Variants in LINGO2 observed in about 807,000 individuals in gnomAD.
LINGO2 encodes leucine-rich repeat and immunoglobulin-like domain-containing nogo receptor-interacting protein 2.
A neutral mutation model predicts 30.6 loss-of-function variants in LINGO2; 14 were observed. The ratio of observed to expected loss-of-function variants is 0.46; its 90% CI spans 0.30 to 0.72. The LOEUF (loss-of-function observed/expected upper bound fraction) is 0.72. Ranked by LOEUF, LINGO2 falls within the 30% of genes least tolerant of loss-of-function variation. LINGO2 has a pLI of 0.07. For missense variants in LINGO2, 729 were observed against 751.7 expected (o/e 0.97, Z 0.35); for synonymous variants, 317 against 288.5 (o/e 1.10, Z -1.00).
At chr9:29,041,298 A>G in the LINGO2 span, among the ~76,000 whole-genome samples, 2 of 152,186 alleles carry the variant, frequency 1.3e-5, no homozygotes, top group African/African-American at 4.8e-5. Flanking sequence ...ACCAAAATTC[A>G]AGGAAGGGTT....
chr9:28,346,549 T>C (rs1564138016), intron 3 of LINGO2, among the ~76,000 whole-genome samples: 2 of 152,202 alleles, frequency 1.3e-5, no homozygotes. Context: ...TTTGGGTACA[T>C]ATCCAGTAAT....
chr9:28,602,015 G>C (rs1825499625), intron 1 of LINGO2, among the ~76,000 whole-genome samples: 1 of 152,048 alleles, frequency 6.6e-6, no homozygotes, highest in Non-Finnish European at 1.5e-5. Context: ...AGATTCTAAA[G>C]TACGGATTTG....
intron 4 of LINGO2, among the ~76,000 whole-genome samples, chr9:28,085,828 G>T (rs923760059): frequency 1.3e-5 from 2 of 152,054 alleles, no homozygotes; most frequent in African/African-American, 4.8e-5. Context: ...CAAAGAAAGG[G>T]ACGCTGGTGA....
chr9:28,813,116 C>T, the LINGO2 span, among the ~76,000 whole-genome samples: 1 of 150,218 alleles, frequency 6.7e-6, no homozygotes, highest in Admixed American at 6.6e-5. Flanking sequence ...CGTAGATTGT[C>T]TAAAGAGCAC....
intron 4 of LINGO2, among the ~76,000 whole-genome samples, chr9:28,244,813 G>T (rs1019036219): frequency 2.6e-5 from 2 of 76,216 alleles, no homozygotes; most frequent in Non-Finnish European, 5.0e-5. Context: ...GTAATAGTAT[G>T]CCAACCAAAA....
chr9:28,014,477 CCTA>C (rs1363843980), intron 4 of LINGO2, among the ~76,000 whole-genome samples: 2 of 152,138 alleles, frequency 1.3e-5, no homozygotes, highest in African/African-American at 4.8e-5. Context: ...TCTTAACCAT[CCTA>C]CTATTAGCAG....
Position 28,102,002 on chromosome 9 carries a change from C to A in LINGO2, c.-86-89597G>T, listed in dbSNP as rs1239001841. ...TGGTGTGACAAATATAAGCTTCTGCCTTCCAATTTTCCATCAGCTTTGCCT... is the reference window on the plus strand; with the variant it reads ...TGGTGTGACAAATATAAGCTTCTGCATTCCAATTTTCCATCAGCTTTGCCT... On this transcript the variant is annotated intron_variant, in intron 4 of 5. Coordinates refer to ENST00000379992, the Ensembl canonical transcript of LINGO2. Among the ~76,000 whole-genome samples, 22 of 152,024 alleles carry A rather than the reference C, an allele frequency of 1.4e-4. 1 individual carries two copies. Among genetic ancestry groups the A allele is most frequent in the Admixed American group, 1.4e-3 (21 of 15,260 alleles).
chr9:29,081,129 A>G, the LINGO2 span, among the ~76,000 whole-genome samples: 1 of 152,134 alleles, frequency 6.6e-6, no homozygotes, highest in Non-Finnish European at 1.5e-5. Flanking sequence ...CACAAAAAAG[A>G]GAATTTTTGA....
chr9:28,734,539 G>A, the LINGO2 span, among the ~76,000 whole-genome samples: 7 of 152,082 alleles, frequency 4.6e-5, no homozygotes, highest in Non-Finnish European at 8.8e-5. Context: ...AGAGTGTTAC[G>A]TAAGTCACTT....
At chr9:28,836,001 C>T in the LINGO2 span, among the ~76,000 whole-genome samples, 1 of 152,138 alleles carries the variant, frequency 6.6e-6, no homozygotes, top group South Asian at 2.1e-4. Context: ...TCACATACTC[C>T]AAAAATATTT....
the LINGO2 span, among the ~76,000 whole-genome samples, chr9:29,143,118 C>G: frequency 6.6e-6 from 1 of 151,966 alleles, no homozygotes; most frequent in Admixed American, 6.6e-5. Context: ...CTGAAAACTA[C>G]AAAACATTTC....
At chr9:28,568,546 T>A (rs563097829) in intron 1 of LINGO2, among the ~76,000 whole-genome samples, 26 of 152,102 alleles carry the variant, frequency 1.7e-4, no homozygotes, top group Non-Finnish European at 2.9e-4. Flanking sequence ...AGACACTTTA[T>A]AATGAAATTG....
At chr9:28,157,474 G>A (rs1426932450) in intron 4 of LINGO2, among the ~76,000 whole-genome samples, 2 of 152,178 alleles carry the variant, frequency 1.3e-5, no homozygotes, top group African/African-American at 4.8e-5. Context: ...GATGCAAAGG[G>A]CTGCCATGAA....
intron 1 of LINGO2, among the ~76,000 whole-genome samples, chr9:28,510,286 C>T (rs1337333811): frequency 6.6e-6 from 1 of 152,066 alleles, no homozygotes; most frequent in Non-Finnish European, 1.5e-5. Flanking sequence ...TACTAATAGC[C>T]TTCTGTTGAC....
chr9:28,632,739 T>TAAA (rs1827027850), intron 1 of LINGO2, among the ~76,000 whole-genome samples: 1 of 136,422 alleles, frequency 7.3e-6, no homozygotes, highest in African/African-American at 2.8e-5. Context: ...GATCTATATA[T>TAAA]TTATATATAG....
At chr9:28,893,713 C>A in the LINGO2 span, among the ~76,000 whole-genome samples, 1 of 135,428 alleles carries the variant, frequency 7.4e-6, no homozygotes, top group Non-Finnish European at 1.6e-5. Context: ...GTCTTTTTCA[C>A]AAATAAGTTA....
the LINGO2 span, among the ~76,000 whole-genome samples, chr9:28,725,772 C>A: frequency 6.6e-6 from 1 of 150,922 alleles, no homozygotes; most frequent in Non-Finnish European, 1.5e-5. Context: ...TAAAAACACA[C>A]ATTAAAATAA....
the LINGO2 span, among the ~76,000 whole-genome samples, chr9:28,903,761 G>C: frequency 1.3e-5 from 2 of 152,060 alleles, no homozygotes; most frequent in African/African-American, 2.4e-5. Flanking sequence ...TTACAGATAT[G>C]AGCCACCATG....
chr9:28,178,228 C>A (rs1346142860), intron 4 of LINGO2, among the ~76,000 whole-genome samples: 1 of 152,106 alleles, frequency 6.6e-6, no homozygotes. Flanking sequence ...GCAGCTCCCA[C>A]AGTGTTGTGA....
Sources: gnomAD v4.1 joint callset for allele counts (sites outside exome capture counted in the v4.1 genomes callset) on GRCh38, gnomAD v4.1.1 for gene constraint, MANE v1.5 for transcripts, NCBI Gene and HGNC (gene_info 2026-07-23, HGNC 2026-07-21) for gene names.